The following PRKD1 variants were observed in gnomAD, a reference collection of about 807,000 sequenced individuals.
PRKD1 encodes the protein serine/threonine-protein kinase D1.
A neutral mutation model predicts 95.9 loss-of-function variants in PRKD1; 63 were observed. The ratio of observed to expected loss-of-function variants is 0.66; its 90% CI spans 0.54 to 0.81. The LOEUF is 0.81. PRKD1 is among the 30% of genes least tolerant of loss of function. The pLI is 0.00. For synonymous variants in PRKD1, 425 were observed against 423.1 expected (o/e 1.00, Z -0.05); for missense variants, 1,048 against 1,165.3 (o/e 0.90, Z 1.47).
chr14:29,715,343 A>G (rs1885552915), intron 2 of PRKD1, among the ~76,000 whole-genome samples: 1 of 151,998 alleles, frequency 6.6e-6, no homozygotes, highest in African/African-American at 2.4e-5. Context: ...AATGTTCTAT[A>G]TCAATATGGC....
chr14:29,815,021 T>C (rs1890635945), intron 1 of PRKD1, among the ~76,000 whole-genome samples: 1 of 152,214 alleles, frequency 6.6e-6, no homozygotes, highest in Non-Finnish European at 1.5e-5. Context: ...ATTCTCATTT[T>C]CTAAATTGTG....
rs147028863 is a variant in PRKD1 at position 29,623,141 on chromosome 14, G to A, written c.1905+1011C>T. Among the ~76,000 whole-genome samples the A allele has an allele frequency of 2.9e-4, 44 of 152,244 alleles. No individual in the cohort carries two copies. The Middle Eastern group carries it at 0.014, about 47-fold the overall frequency. On this transcript the variant is annotated intron_variant, in intron 13 of 17. Coordinates refer to ENST00000331968, the MANE Select transcript of PRKD1 (RefSeq NM_002742.3). ...CATGGTTGTTTTCTTCCCCATGTAA[G>A]CAGAGAGCATTGTGAGTCCTCTGTG...
chr14:29,599,226 A>C, intron 14 of PRKD1, 101 bp from the exon 15 acceptor site: 1 of 957,576 alleles, frequency 1.0e-6, no homozygotes, highest in South Asian at 1.5e-5. Flanking sequence ...TGGACATTCA[A>C]ATTTCTTTAT....
At chr14:29,609,938 C>G (rs879473469) in intron 13 of PRKD1, among the ~76,000 whole-genome samples, 2 of 152,044 alleles carry the variant, frequency 1.3e-5, no homozygotes, top group Non-Finnish European at 2.9e-5. Flanking sequence ...ATGATTCAAT[C>G]TAGATTTAGA....
Position 29,826,830 on chromosome 14 carries a change from T to TATATACAC in PRKD1, c.264+100418_264+100419insGTGTATAT, listed in dbSNP as rs1566623117. Among the ~76,000 whole-genome samples, 70 of 27,882 alleles carry TATATACAC rather than the reference T, an allele frequency of 2.5e-3. 14 individuals carry two copies. The highest frequency in any genetic ancestry group is 3.7e-3 in the Non-Finnish European group (55 of 14,932). 18.3% of individuals were successfully genotyped at this position (27,882 alleles called of 152,430 possible). On this transcript the variant is annotated intron_variant, in intron 1 of 17. Coordinates refer to ENST00000331968, the MANE Select transcript of PRKD1 (RefSeq NM_002742.3). ...ATATATATACACATATATATATATATATATATATACACACATATATATATA... is the reference window on the plus strand; with the variant it reads ...ATATATATACACATATATATATATATATATACACATATATATACACACATATATATATA...
At chr14:29,905,802 C>A (rs1043642713) in intron 1 of PRKD1, among the ~76,000 whole-genome samples, 1 of 152,144 alleles carries the variant, frequency 6.6e-6, no homozygotes, top group Non-Finnish European at 1.5e-5. Flanking sequence ...TGGGAAACGA[C>A]AGATTAATCA....
intron 13 of PRKD1, among the ~76,000 whole-genome samples, chr14:29,620,831 T>C (rs1026121533): frequency 1.3e-5 from 2 of 151,826 alleles, no homozygotes; most frequent in Admixed American, 1.3e-4. Context: ...ACTGGGTGTA[T>C]AACCAAAGGA....
intron 1 of PRKD1, among the ~76,000 whole-genome samples, chr14:29,926,274 G>A (rs543875886): frequency 4.7e-5 from 7 of 148,058 alleles, no homozygotes; most frequent in African/African-American, 1.9e-4. Context: ...CTCCAGGGCT[G>A]AAAAATTCAG....
intron 1 of PRKD1, among the ~76,000 whole-genome samples, chr14:29,798,798 CA>C (rs1889915218): frequency 6.6e-6 from 1 of 152,140 alleles, no homozygotes; most frequent in Non-Finnish European, 1.5e-5. Context: ...ATTCAGTGTA[CA>C]ATGAGCTATT....
chr14:29,590,099 T>C (rs1893078016), intron 16 of PRKD1, among the ~76,000 whole-genome samples: 1 of 152,172 alleles, frequency 6.6e-6, no homozygotes, highest in Non-Finnish European at 1.5e-5. Flanking sequence ...TATTTAACAT[T>C]GCAGTCACAT....
chr14:29,665,900 T>C (rs1308732202), intron 3 of PRKD1, among the ~76,000 whole-genome samples, 177 bp downstream of exon 3: 1 of 152,142 alleles, frequency 6.6e-6, no homozygotes, highest in Non-Finnish European at 1.5e-5. Context: ...GAAGAAAATG[T>C]ATATATACAC....
intron 2 of PRKD1, among the ~76,000 whole-genome samples, chr14:29,697,992 A>T (rs1030896402): frequency 1.3e-5 from 2 of 152,196 alleles, no homozygotes; most frequent in Non-Finnish European, 2.9e-5. Context: ...AAAACAAGAG[A>T]TGTTCAAATA....
At chr14:29,634,646 A>G in intron 7 of PRKD1, 105 bp from the exon 8 acceptor site, 1 of 1,429,006 alleles carries the variant, frequency 7.0e-7, no homozygotes, top group East Asian at 2.3e-5. Context: ...ACTTTACAAA[A>G]TTCACATCTC....
At chr14:29,664,558 G>C (rs45516900) in intron 3 of PRKD1, among the ~76,000 whole-genome samples, 3,654 of 152,252 alleles carry the variant, frequency 0.024, 132 homozygotes, top group African/African-American at 0.078. Context: ...CATAAAACCA[G>C]ATTTTAGGCA....
intron 1 of PRKD1, among the ~76,000 whole-genome samples, chr14:29,893,489 A>T (rs887296716): frequency 6.6e-5 from 10 of 152,060 alleles, no homozygotes; most frequent in African/African-American, 2.4e-4. Context: ...TTCCTACCTT[A>T]TTTCCACTTG....
chr14:29,779,813 A>G (rs1888958474), intron 1 of PRKD1, among the ~76,000 whole-genome samples: 1 of 152,338 alleles, frequency 6.6e-6, no homozygotes, highest in Non-Finnish European at 1.5e-5. Flanking sequence ...GAACCCAAAA[A>G]GAGCCCACAT....
chr14:29,698,629 C>T (rs573955105), intron 2 of PRKD1, among the ~76,000 whole-genome samples: 1 of 151,874 alleles, frequency 6.6e-6, no homozygotes, highest in Admixed American at 6.6e-5. Context: ...GAACGTCATC[C>T]TACACCTTCA....
chr14:29,673,766 A>G (rs966557180), intron 2 of PRKD1, among the ~76,000 whole-genome samples: 7 of 152,236 alleles, frequency 4.6e-5, no homozygotes, highest in Non-Finnish European at 2.9e-5. Context: ...CATCAGAATA[A>G]TATCTTGGAT....
At chr14:29,778,595 T>C (rs1187946469) in intron 1 of PRKD1, among the ~76,000 whole-genome samples, 2 of 152,242 alleles carry the variant, frequency 1.3e-5, no homozygotes, top group African/African-American at 4.8e-5. Flanking sequence ...CAGGAAAAAG[T>C]TGAATCCCTG....
Sources: allele counts gnomAD v4.1 joint callset (sites outside exome capture counted in the v4.1 genomes callset), GRCh38; gene constraint gnomAD v4.1.1; transcripts MANE v1.5; gene names NCBI Gene and HGNC (gene_info 2026-07-23, HGNC 2026-07-21).